TSGA10: variants seen among roughly 807,000 people sequenced by gnomAD.
TSGA10 encodes testis specific 10.
TSGA10 carries 43 observed loss-of-function variants against 96.6 expected under a neutral mutation model. That is an observed-to-expected ratio of 0.44 (90% CI 0.35 to 0.57). TSGA10 has a LOEUF of 0.57. Ranked by LOEUF, TSGA10 falls within the 20% of genes least tolerant of loss-of-function variation. The pLI, the probability that TSGA10 is intolerant of heterozygous loss-of-function variation, is 0.01. For synonymous variants in TSGA10, 229 were observed against 269.9 expected, an observed-to-expected ratio of 0.85 and a Z score of 1.48; for missense variants, 703 against 834.4, an observed-to-expected ratio of 0.84 and a Z score of 1.94.
At chr2:99,144,554 C>T (rs1270211928) in intron 1 of TSGA10, among the ~76,000 whole-genome samples, 1 of 145,330 alleles carries the variant, frequency 6.9e-6, no homozygotes, top group East Asian at 2.1e-4. Flanking sequence ...GAGGCTGAGG[C>T]AGGAGACTTG....
intron 20 of TSGA10, among the ~76,000 whole-genome samples, chr2:99,013,686 A>T (rs2079218580): frequency 6.6e-6 from 1 of 151,838 alleles, no homozygotes; most frequent in African/African-American, 2.4e-5. Context: ...TCCAAAAGGA[A>T]CCCTCAAAAC....
At chr2:99,025,113 T>TG (rs2080443912) in intron 17 of TSGA10, among the ~76,000 whole-genome samples, 1 of 152,218 alleles carries the variant, frequency 6.6e-6, no homozygotes, top group African/African-American at 2.4e-5. Context: ...GTGAGGTGTT[T>TG]GTCTGGCTTT....
chr2:99,088,099 T>C (rs923781332), intron 10 of TSGA10, among the ~76,000 whole-genome samples: 1 of 152,210 alleles, frequency 6.6e-6, no homozygotes, highest in Non-Finnish European at 1.5e-5. Flanking sequence ...ATAAAATTAA[T>C]TCAGTGACTA....
rs369316279 is a variant in TSGA10, at chr2:99,146,215, C to T, written c.-621+8478G>A. Among the ~76,000 whole-genome samples the T allele has an allele frequency of 5.3e-5, 8 of 152,286 alleles. No homozygotes were observed. In the East Asian group the frequency reaches 7.7e-4, roughly 15 times the overall value. Reference sequence around the variant, plus strand: ...GGAGAATCATGTGAACCCAGAAAGGCGGAGGTTGCAATTTCTTTGCAACTT... The same window carrying T: ...GGAGAATCATGTGAACCCAGAAAGGTGGAGGTTGCAATTTCTTTGCAACTT... On this transcript the variant is annotated intron_variant, in intron 1 of 20. Transcript: ENST00000393483.
chr2:99,002,029 C>T (rs1573315959), intron 20 of TSGA10, among the ~76,000 whole-genome samples: 2 of 152,108 alleles, frequency 1.3e-5, no homozygotes, highest in Admixed American at 1.3e-4. Context: ...CTGAAAGTGA[C>T]GGGGAGAATG....
chr2:99,095,179 T>C (rs2089896774), intron 10 of TSGA10, among the ~76,000 whole-genome samples: 1 of 152,070 alleles, frequency 6.6e-6, no homozygotes, highest in Non-Finnish European at 1.5e-5. Flanking sequence ...TTCTCACTCA[T>C]AAGTGGGAGC....
chr2:99,072,924 A>T, intron 13 of TSGA10, 94 bp downstream of exon 13: 1 of 848,126 alleles, frequency 1.2e-6, no homozygotes, highest in Non-Finnish European at 2.0e-6. Context: ...CCTTACACGT[A>T]TCATTAAGCC....
intron 1 of TSGA10, among the ~76,000 whole-genome samples, chr2:99,153,774 TAAAG>T (rs1230350640): frequency 2.6e-5 from 4 of 152,192 alleles, no homozygotes; most frequent in Non-Finnish European, 4.4e-5. Context: ...GGTGTGATAA[TAAAG>T]AAAGGAGGTG....
At chr2:99,112,663 A>T (rs952573798) in intron 4 of TSGA10, among the ~76,000 whole-genome samples, 1 of 151,846 alleles carries the variant, frequency 6.6e-6, no homozygotes, top group African/African-American at 2.4e-5. Flanking sequence ...CTAAGGCAAA[A>T]GAAGGTCTGG....
At chr2:99,026,769 C>G (rs993310139) in intron 17 of TSGA10, among the ~76,000 whole-genome samples, 3 of 152,070 alleles carry the variant, frequency 2.0e-5, no homozygotes, top group Non-Finnish European at 4.4e-5. Flanking sequence ...GGAAGTCATA[C>G]TTAAGGAGGT....
rs1482690220 is a variant in TSGA10 at position 99,127,137 on chromosome 2, C to T, written c.-581G>A. The T allele has an allele frequency of 3.9e-6, 5 of 1,289,290 alleles. No homozygotes were observed. In the Admixed American group the frequency reaches 1.1e-4, roughly 30 times the overall value. 79.9% of individuals were successfully genotyped at this position (1,289,290 alleles called of 1,614,324 possible). ...TTCTGGTAGTTTTCAGCTTCAGAAA[C>T]TGGAGCCCCTAGACCAAAATCATAT... is the stretch of plus-strand genomic sequence containing the variant. On this transcript the variant is annotated 5_prime_UTR_variant, in exon 2 of 21. Transcript: ENST00000393483.
intron 10 of TSGA10, among the ~76,000 whole-genome samples, chr2:99,095,423 T>C (rs1165691549): frequency 6.6e-6 from 1 of 151,966 alleles, no homozygotes; most frequent in Non-Finnish European, 1.5e-5. Flanking sequence ...AAATAAAAAA[T>C]AAAAGGTTCA....
chr2:99,042,654 T>C (rs931862165), intron 16 of TSGA10, among the ~76,000 whole-genome samples: 2 of 152,092 alleles, frequency 1.3e-5, no homozygotes, highest in Non-Finnish European at 2.9e-5. Context: ...CATACGTATA[T>C]GTGCAAAAGT....
chr2:99,018,452 G>A (rs2079725741), intron 19 of TSGA10, 84 bp downstream of exon 19: 7 of 1,564,554 alleles, frequency 4.5e-6, no homozygotes, highest in Non-Finnish European at 6.1e-6. Context: ...CATCATGAAA[G>A]AACTAAAACC....
chr2:99,087,215 A>T lies in TSGA10; in HGVS notation c.612-5818T>A, dbSNP rs1045971966. Among the ~76,000 whole-genome samples the T allele has an allele frequency of 3.8e-4, 58 of 151,284 alleles. 1 individual carries two copies. Among genetic ancestry groups the T allele is most frequent in the Non-Finnish European group, 5.5e-4 (37 of 67,812 alleles). ...CAACACTCCGTCTCAAAAAAAAAAA[A>T]TTTTTTTTAGGCCAGGCACGGTAGC... On this transcript the variant is annotated intron_variant, in intron 10 of 20. Transcript: ENST00000393483.
At chr2:99,090,317 G>C (rs182415702) in intron 10 of TSGA10, among the ~76,000 whole-genome samples, 1 of 152,162 alleles carries the variant, frequency 6.6e-6, no homozygotes, top group African/African-American at 2.4e-5. Context: ...AAATGAGAAG[G>C]AACAAGAAAA....
intron 1 of TSGA10, among the ~76,000 whole-genome samples, chr2:99,133,894 G>C (rs557775708): frequency 6.6e-6 from 1 of 152,206 alleles, no homozygotes; most frequent in Non-Finnish European, 1.5e-5. Flanking sequence ...TTTTCTTTAA[G>C]AATGTTGAAT....
At chr2:99,149,040 G>A (rs1337355290) in intron 1 of TSGA10, among the ~76,000 whole-genome samples, 3 of 151,756 alleles carry the variant, frequency 2.0e-5, no homozygotes, top group Non-Finnish European at 4.4e-5. Flanking sequence ...GCCTGGTGGC[G>A]GGCACCTGTA....
In TSGA10 at chr2:99,127,064, G is replaced by C. The variant is rs778659574; in HGVS notation, c.-508C>G. 1 of 1,289,208 alleles carries C rather than the reference G, an allele frequency of 7.8e-7. No homozygotes were observed. The highest frequency in any genetic ancestry group is 2.3e-5 in the Admixed American group (1 of 43,448). 79.9% of individuals were successfully genotyped at this position (1,289,208 alleles called of 1,614,324 possible). A position where few individuals can be genotyped will look rare whatever the true frequency, so the allele number is the denominator to read the frequency against. ...AAACGCAACCTGTAATTTCAGTGTC[G>C]AGATGAATCTATCTTGGTTTCTCAC... On this transcript the variant is annotated 5_prime_UTR_variant, in exon 2 of 21. Transcript: ENST00000393483.
Sources: gnomAD v4.1 joint callset for allele counts (sites outside exome capture counted in the v4.1 genomes callset) on GRCh38, gnomAD v4.1.1 for gene constraint, MANE v1.5 for transcripts, NCBI Gene and HGNC (gene_info 2026-07-23, HGNC 2026-07-21) for gene names.